Variants in CCSER1 observed in about 807,000 individuals in gnomAD.
CCSER1 encodes serine-rich coiled-coil domain-containing protein 1.
A neutral mutation model predicts 82.0 loss-of-function variants in CCSER1; 41 were observed. The ratio of observed to expected loss-of-function variants is 0.50; its 90% CI spans 0.39 to 0.65. The LOEUF (loss-of-function observed/expected upper bound fraction) is 0.65, where lower values mean the gene tolerates loss of function less well. Ranked by LOEUF, CCSER1 falls within the 30% of genes least tolerant of loss-of-function variation. CCSER1 has a pLI of 0.00. For missense variants in CCSER1, 1,119 were observed against 1,064.2 expected, an observed-to-expected ratio of 1.05 and a Z score of -0.72; for synonymous variants, 414 against 383.9, an observed-to-expected ratio of 1.08 and a Z score of -0.92.
intron 10 of CCSER1, among the ~76,000 whole-genome samples, chr4:91,383,374 C>G (rs965644808): frequency 6.6e-6 from 1 of 151,330 alleles, no homozygotes; most frequent in African/African-American, 2.4e-5. Flanking sequence ...AAAAGGAGAT[C>G]AGAAGGTGAG....
At chr4:91,427,278 A>C (rs1268449274) in intron 10 of CCSER1, among the ~76,000 whole-genome samples, 2 of 152,176 alleles carry the variant, frequency 1.3e-5, no homozygotes, top group Non-Finnish European at 2.9e-5. Flanking sequence ...AAATTTCCCC[A>C]CGGCCCATCC....
intron 10 of CCSER1, among the ~76,000 whole-genome samples, chr4:91,358,809 T>G (rs1168054401): frequency 2.6e-5 from 4 of 152,116 alleles, no homozygotes; most frequent in Non-Finnish European, 5.9e-5. Flanking sequence ...TGGGGCAGTT[T>G]CCTACCCGGG....
At chr4:90,302,655 T>C (rs927435358) in intron 1 of CCSER1, among the ~76,000 whole-genome samples, 2 of 152,000 alleles carry the variant, frequency 1.3e-5, no homozygotes, top group African/African-American at 4.8e-5. Flanking sequence ...TTTTTAAAGT[T>C]AATTGGGCAT....
chr4:91,365,547 A>G (rs1021787863), intron 10 of CCSER1, among the ~76,000 whole-genome samples: 18 of 152,168 alleles, frequency 1.2e-4, no homozygotes, highest in African/African-American at 4.3e-4. Flanking sequence ...ACAGAATCAG[A>G]CTCTTTATAG....
intron 9 of CCSER1, among the ~76,000 whole-genome samples, chr4:90,933,361 G>T (rs1282742147): frequency 6.6e-6 from 1 of 151,572 alleles, no homozygotes; most frequent in East Asian, 1.9e-4. Flanking sequence ...CTAATTTTTT[G>T]TATTTTTAGT....
chr4:90,784,729 C>T (rs1754239201), intron 7 of CCSER1, among the ~76,000 whole-genome samples: 1 of 152,108 alleles, frequency 6.6e-6, no homozygotes, highest in South Asian at 2.1e-4. Flanking sequence ...ACTTTTGATG[C>T]CCCTCAACCT....
chr4:91,522,163 A>G (rs1229861925), intron 10 of CCSER1, among the ~76,000 whole-genome samples: 1 of 152,152 alleles, frequency 6.6e-6, no homozygotes, highest in Non-Finnish European at 1.5e-5. Context: ...TGTTTTTGAC[A>G]TGTTTGTCAA....
intron 10 of CCSER1, among the ~76,000 whole-genome samples, chr4:91,444,692 A>C (rs7437377): frequency 0.81 from 123,285 of 152,136 alleles, 50,208 homozygotes; most frequent in East Asian, 0.92. Context: ...TCAGGTGACC[A>C]GCCCACCTTG....
chr4:91,255,272 T>A (rs967996455), intron 10 of CCSER1, among the ~76,000 whole-genome samples: 1 of 152,084 alleles, frequency 6.6e-6, no homozygotes, highest in African/African-American at 2.4e-5. Context: ...AAGAATATAA[T>A]AAAAATATAT....
chr4:91,163,877 C>G (rs560895021), intron 10 of CCSER1, among the ~76,000 whole-genome samples: 1 of 151,742 alleles, frequency 6.6e-6, no homozygotes, highest in African/African-American at 2.4e-5. Context: ...GGTCTTGACT[C>G]TATCCAATTT....
At chr4:91,265,807 C>T (rs13119771) in intron 10 of CCSER1, among the ~76,000 whole-genome samples, 35,750 of 151,992 alleles carry the variant, frequency 0.24, 5,138 homozygotes, top group African/African-American at 0.39. Context: ...TTTGGGAAAA[C>T]GAGTAAATAC....
At chr4:90,276,273 T>TCCTTCCTC (rs1270887142) in intron 1 of CCSER1, among the ~76,000 whole-genome samples, 1 of 127,750 alleles carries the variant, frequency 7.8e-6, no homozygotes, top group Non-Finnish European at 1.6e-5. Flanking sequence ...CTTCCTTCCT[T>TCCTTCCTC]CCTTCCTTCC....
At chr4:91,319,735 C>T in intron 10 of CCSER1, 1 of 455,492 alleles carries the variant, frequency 2.2e-6, no homozygotes. Context: ...CACTGGGAGG[C>T]AGAAGCACCA....
chr4:90,216,367 C>G (rs1348958916), intron 1 of CCSER1, among the ~76,000 whole-genome samples: 1 of 152,140 alleles, frequency 6.6e-6, no homozygotes, highest in African/African-American at 2.4e-5. Flanking sequence ...AGGATTTCTC[C>G]CTACAGCTGG....
chr4:91,185,853 C>T (rs181459475), intron 10 of CCSER1, among the ~76,000 whole-genome samples: 4 of 152,306 alleles, frequency 2.6e-5, no homozygotes, highest in African/African-American at 9.6e-5. Context: ...TTTATCCACT[C>T]TCAGTCTTGC....
intron 10 of CCSER1, among the ~76,000 whole-genome samples, chr4:91,301,718 A>T (rs1744682366): frequency 6.6e-6 from 1 of 151,826 alleles, no homozygotes; most frequent in Non-Finnish European, 1.5e-5. Flanking sequence ...TCACCAATGG[A>T]TAAGAATCAT....
intron 10 of CCSER1, among the ~76,000 whole-genome samples, chr4:91,092,903 G>C (rs1019517748): frequency 6.6e-6 from 1 of 152,158 alleles, no homozygotes; most frequent in Non-Finnish European, 1.5e-5. Flanking sequence ...AAGCTCACTG[G>C]TGTCCCTTGC....
At chr4:91,266,765 G>A (rs1206879750) in intron 10 of CCSER1, among the ~76,000 whole-genome samples, 2 of 152,082 alleles carry the variant, frequency 1.3e-5, no homozygotes, top group Non-Finnish European at 2.9e-5. Context: ...TTAGTAGCTG[G>A]CTGATCCTTA....
intron 10 of CCSER1, among the ~76,000 whole-genome samples, chr4:91,581,400 G>GA (rs1045996708): frequency 4.0e-5 from 6 of 151,702 alleles, no homozygotes; most frequent in African/African-American, 1.4e-4. Flanking sequence ...GGTTGTTGGG[G>GA]AAAAAAATTG....
Sources: allele counts gnomAD v4.1 joint callset (sites outside exome capture counted in the v4.1 genomes callset), GRCh38; gene constraint gnomAD v4.1.1; transcripts MANE v1.5; gene names NCBI Gene and HGNC (gene_info 2026-07-23, HGNC 2026-07-21).